GIGYF1: variants seen among roughly 807,000 people sequenced by gnomAD.
GIGYF1 encodes the protein GRB10 interacting GYF protein 1.
GIGYF1 carries 84 observed loss-of-function variants against 147.1 expected under a neutral mutation model. The ratio of observed to expected loss-of-function variants is 0.57; its 90% CI spans 0.48 to 0.68. The LOEUF is 0.68. Ranked by LOEUF, GIGYF1 falls within the 30% of genes least tolerant of loss-of-function variation. GIGYF1 has a pLI of 0.00. For missense variants in GIGYF1, 1,485 were observed against 1,393.7 expected (o/e 1.07, Z -1.04); for synonymous variants, 752 against 589.5 (o/e 1.28, Z -3.99).
rs573169994 is a variant in GIGYF1, at chr7:100,684,059, G to A, written c.1829C>T (p.Thr610Met). Reference protein sequence around the residue: ...PPPQQQQQQLTAFLQQLQALK... With the variant: ...PPPQQQQQQLMAFLQQLQALK... The stretch of plus-strand genomic sequence containing the variant: ...CGCCTGGAGCTGCTGCAGGAATGCC[G>A]TGAGCTGCTGCTGCTGCTGCTGTGG... Residue 610 changes from threonine to methionine, a missense_variant, in exon 18 of 27, where the codon ACG (threonine) becomes ATG (methionine). Coordinates refer to ENST00000678049, the MANE Select transcript of GIGYF1 (RefSeq NM_001375765.1). 7.5e-6 allele frequency: 12 copies of A among 1,604,528 alleles called. No individual in the cohort carries two copies. The highest frequency in any genetic ancestry group is 6.7e-5 in the African/African-American group (5 of 74,722).
rs1805304524 is a variant in GIGYF1, at chr7:100,686,081, T to C, written c.949-2A>G. The C allele has an allele frequency of 6.3e-7, 1 of 1,597,598 alleles. No homozygotes were observed. Among genetic ancestry groups the C allele is most frequent in the Non-Finnish European group, 8.5e-7 (1 of 1,171,060 alleles). ...AGGAATGGGCTCCTTGGGGCCCTTC[T>C]GCATGGGGCCGGGGTGGGGAGCAGA... is the stretch of plus-strand genomic sequence containing the variant. On this transcript the variant is annotated splice_acceptor_variant, in intron 11 of 26. Coordinates refer to ENST00000678049, the MANE Select transcript of GIGYF1 (RefSeq NM_001375765.1). LOFTEE classifies it high-confidence loss of function.
chr7:100,687,083 A>G, intron 8 of GIGYF1, 37 bp from the exon 9 acceptor site: 1 of 1,613,366 alleles, frequency 6.2e-7, no homozygotes, highest in Non-Finnish European at 8.5e-7. Context: ...GAAACAGTAC[A>G]GCCTCCCCTG....
Position 100,686,392 on chromosome 7 carries a change from G to A in GIGYF1, c.736C>T (p.Arg246Trp), listed in dbSNP as rs748394437. The change falls in exon 11 of 27, where the codon CGG becomes TGG. Residue 246 changes from arginine (R) to tryptophan (W), a missense_variant. By Grantham distance (101) the Arg-to-Trp change is moderately radical. Transcript: ENST00000678049. ...RSAGWREHGE[R>W]RRKFEFDLRG... Reference sequence around the variant, plus strand: ...AAATCAAATTCAAACTTGCGCCGCCGTTCCCCATGTTCCCGCCAGCCAGCA... The same window carrying A: ...AAATCAAATTCAAACTTGCGCCGCCATTCCCCATGTTCCCGCCAGCCAGCA... 6.9e-6 allele frequency: 11 copies of A among 1,603,940 alleles called. No individual in the cohort carries two copies. In the South Asian group the frequency reaches 7.8e-5, roughly 11 times the overall value.
In GIGYF1 at chr7:100,688,747, G is replaced by A; in HGVS notation, c.-290C>T. On this transcript the variant is annotated 5_prime_UTR_variant, in exon 2 of 27. Transcript: ENST00000678049. ...AAGGAGAGCAGGGGGGAGGAGGGAG[G>A]GTTCAGGACATGGCTCTGCCGGCAG... is the stretch of plus-strand genomic sequence containing the variant. 3.2e-6 allele frequency: 1 copy of A among 316,468 alleles called. No individual in the cohort carries two copies. Among genetic ancestry groups the A allele is most frequent in the Non-Finnish European group, 6.4e-6 (1 of 156,666 alleles). The allele number at this position is 316,468 out of a possible 1,614,324, so 19.6% of individuals were successfully genotyped here.
rs1311548781 is a variant in GIGYF1 at position 100,688,510 on chromosome 7, A to G, written c.-129T>C. 1.5e-6 allele frequency: 1 copy of G among 675,744 alleles called. No homozygotes were observed. Among genetic ancestry groups the G allele is most frequent in the Non-Finnish European group, 2.7e-6 (1 of 368,088 alleles). 41.9% of individuals were successfully genotyped at this position (675,744 alleles called of 1,614,324 possible). A position where few individuals can be genotyped will look rare whatever the true frequency, so the allele number is the denominator to read the frequency against. On this transcript the variant is annotated 5_prime_UTR_variant, in exon 3 of 27. Coordinates refer to ENST00000678049, the MANE Select transcript of GIGYF1 (RefSeq NM_001375765.1). Reference sequence around the variant, plus strand: ...TACCCAGAGATGAGTCCAGACGGTGAAAGACCTGGGGGAGGCGAGGAGATG... The same window carrying G: ...TACCCAGAGATGAGTCCAGACGGTGGAAGACCTGGGGGAGGCGAGGAGATG...
intron 5 of GIGYF1, 44 bp downstream of exon 5, chr7:100,687,937 A>G (rs1389881301): frequency 6.2e-7 from 1 of 1,610,964 alleles, no homozygotes; most frequent in Non-Finnish European, 8.5e-7. Context: ...TCCCCTCCAC[A>G]GGCAGAGGCC....
chr7:100,688,169 G>A (rs751824009), intron 4 of GIGYF1, 35 bp downstream of exon 4: 22 of 1,609,498 alleles, frequency 1.4e-5, no homozygotes, highest in Middle Eastern at 1.6e-4. Context: ...GTGCTTTCTC[G>A]AATCTCCACG....
chr7:100,688,411 G>T (rs921063230), intron 3 of GIGYF1, 40 bp downstream of exon 3: 1 of 712,808 alleles, frequency 1.4e-6, no homozygotes, highest in Non-Finnish European at 2.5e-6. Context: ...AATGGGCCCC[G>T]GACTAGCTGG....
In GIGYF1 at chr7:100,686,068, C is replaced by G. The variant is rs368712084; in HGVS notation, c.960G>C (p.Lys320Asn). ...GCTCCTGCTCCTCAGGAATGGGCTC[C>G]TTGGGGCCCTTCTGCATGGGGCCGG... ...GAFLPLKKGP[K>N]EPIPEEQELD... is the part of the protein sequence containing the mutation. The change falls in exon 12 of 27, where the codon AAG (lysine) becomes AAC (asparagine). Residue 320 changes from lysine to asparagine, a missense_variant. Transcript: ENST00000678049. The G allele has an allele frequency of 1.2e-5, 20 of 1,607,380 alleles. No individual in the cohort carries two copies. In the East Asian group the frequency reaches 1.3e-4, roughly 11 times the overall value.
rs1392709312 is a variant in GIGYF1, at chr7:100,680,603, G to C, written c.*1116C>G. The C allele has an allele frequency of 6.6e-6, 1 of 152,578 alleles. No individual in the cohort carries two copies. The highest frequency in any genetic ancestry group is 1.9e-4 in the East Asian group (1 of 5,184). The allele number at this position is 152,578 out of a possible 1,614,324, so 9.5% of individuals were successfully genotyped here. A position where few individuals can be genotyped will look rare whatever the true frequency, so the allele number is the denominator to read the frequency against. Reference sequence around the variant, plus strand: ...GAAGGGTCAGGTGCAGAGCTGGGTGGTCCACATCTTACGAGCTGGCTACAG... The same window carrying C: ...GAAGGGTCAGGTGCAGAGCTGGGTGCTCCACATCTTACGAGCTGGCTACAG... On this transcript the variant is annotated 3_prime_UTR_variant, in exon 27 of 27. Transcript: ENST00000678049.
chr7:100,686,419 A>T lies in GIGYF1; in HGVS notation c.709T>A (p.Ser237Thr). Reference protein sequence around the residue: ...RSASPDGGPRSAGWREHGERR... With the variant: ...RSASPDGGPRTAGWREHGERR... ...TCCCCATGTTCCCGCCAGCCAGCAG[A>T]GCGGGGACCACCATCTGCACAGGAA... The change falls in exon 11 of 27, where the codon TCT (serine) becomes ACT (threonine). Residue 237 changes from serine to threonine, a missense_variant. Physicochemically the swap from Ser to Thr is moderately conservative, Grantham distance 58 (BLOSUM62 1). Transcript: ENST00000678049. The T allele has an allele frequency of 6.3e-7, 1 of 1,599,804 alleles. No individual in the cohort carries two copies. The highest frequency in any genetic ancestry group is 8.5e-7 in the Non-Finnish European group (1 of 1,173,448).
rs1161181254 is a variant in GIGYF1 at position 100,683,303 on chromosome 7, C to T, written c.2193+1G>A. On this transcript the variant is annotated splice_donor_variant, in intron 21 of 26. Transcript: ENST00000678049. LOFTEE classifies it high-confidence loss of function. The stretch of plus-strand genomic sequence containing the variant: ...GCCAGCTGAGGCTTGGGAGCACCCA[C>T]GTGCTTGCGCCGAAACAGCTCTTCC... 1.9e-6 allele frequency: 3 copies of T among 1,613,764 alleles called. No homozygotes were observed. Among genetic ancestry groups the T allele is most frequent in the Non-Finnish European group, 2.5e-6 (3 of 1,179,960 alleles).
Position 100,681,302 on chromosome 7 carries a change from G to GT in GIGYF1, c.*416dup, listed in dbSNP as rs987196760. 16 of 141,890 alleles carry GT rather than the reference G, an allele frequency of 1.1e-4. No homozygotes were observed. Among genetic ancestry groups the GT allele is most frequent in the African/African-American group, 4.0e-4 (15 of 37,224 alleles). The allele number at this position is 141,890 out of a possible 1,614,324, so 8.8% of individuals were successfully genotyped here. A position where few individuals can be genotyped will look rare whatever the true frequency, so the allele number is the denominator to read the frequency against. ...CCCCACTGCCCCAAAATAACAGTGTGTTTTTTCTTTCAGCCTCCTAACCAT... is the reference window on the plus strand; with the variant it reads ...CCCCACTGCCCCAAAATAACAGTGTGTTTTTTTCTTTCAGCCTCCTAACCAT... On this transcript the variant is annotated 3_prime_UTR_variant, in exon 27 of 27. Coordinates refer to ENST00000678049, the MANE Select transcript of GIGYF1 (RefSeq NM_001375765.1).
chr7:100,680,860 A>C lies in GIGYF1; in HGVS notation c.*859T>G, dbSNP rs921737005. 1 of 152,696 alleles carries C rather than the reference A, an allele frequency of 6.5e-6. No individual in the cohort carries two copies. Among genetic ancestry groups the C allele is most frequent in the Non-Finnish European group, 1.5e-5 (1 of 68,090 alleles). 9.5% of individuals were successfully genotyped at this position (152,696 alleles called of 1,614,324 possible). Reference sequence around the variant, plus strand: ...AATACATTCACGTGGCAAGGCAGAGAGCTGGGGCTTTCAGGTTCAAACCCA... The same window carrying C: ...AATACATTCACGTGGCAAGGCAGAGCGCTGGGGCTTTCAGGTTCAAACCCA... On this transcript the variant is annotated 3_prime_UTR_variant, in exon 27 of 27. Coordinates refer to ENST00000678049, the MANE Select transcript of GIGYF1 (RefSeq NM_001375765.1).
chr7:100,688,090 C>T lies in GIGYF1; in HGVS notation c.56G>A (p.Gly19Asp). 2 of 1,609,872 alleles carry T rather than the reference C, an allele frequency of 1.2e-6. No homozygotes were observed. The highest frequency in any genetic ancestry group is 1.7e-6 in the Non-Finnish European group (2 of 1,177,662). Residue 19 changes from glycine to aspartate, a missense_variant, in exon 5 of 27, where the codon GGC becomes GAC. Gly to Asp is a moderately conservative substitution (Grantham distance 94). Transcript: ENST00000678049. ...GPEWLRALSG[G>D]GSVASPPPSP... is the part of the protein sequence containing the mutation. ...CGGGGGTGGGGAGGCCACGCTGCCG[C>T]CCCCGGACAGGGCCCTGAGCCTGGA...
Position 100,681,378 on chromosome 7 carries a change from A to G in GIGYF1, c.*341T>C, listed in dbSNP as rs1296119838. On this transcript the variant is annotated 3_prime_UTR_variant, in exon 27 of 27. Coordinates refer to ENST00000678049, the MANE Select transcript of GIGYF1 (RefSeq NM_001375765.1). Reference sequence around the variant, plus strand: ...TTCTTAAAAAAAAAAAAAAAACCAAAAAACAAAAACCTCTGTGGACCTTCC... The same window carrying G: ...TTCTTAAAAAAAAAAAAAAAACCAAGAAACAAAAACCTCTGTGGACCTTCC... The G allele has an allele frequency of 6.5e-5, 14 of 213,780 alleles. No homozygotes were observed. The highest frequency in any genetic ancestry group is 4.6e-5 in the Non-Finnish European group (5 of 109,444). The allele number at this position is 213,780 out of a possible 1,614,324, so 13.2% of individuals were successfully genotyped here. A position where few individuals can be genotyped will look rare whatever the true frequency, so the allele number is the denominator to read the frequency against.
At chr7:100,691,950 G>T (rs1338977829) in intron 1 of GIGYF1, among the ~76,000 whole-genome samples, 1 of 152,276 alleles carries the variant, frequency 6.6e-6, no homozygotes, top group Non-Finnish European at 1.5e-5. Context: ...AAAAGACAGA[G>T]AACAGGCGGT....
rs1804896533 is a variant in GIGYF1, at chr7:100,682,649, G to A, written c.2541C>T (p.Ser847=). The stretch of plus-strand genomic sequence containing the variant: ...CGAGGCCACGGACCAGGCTCCCGCC[G>A]CTCTTGGGGGTGTCCTCCCAGAGCC... ...GLGLWEDTPK[S]GGSLVRGLGL... The change falls in exon 23 of 27, where the codon AGC becomes AGT. Residue 847 remains serine (S), a synonymous_variant. Transcript: ENST00000678049. 1.2e-6 allele frequency: 2 copies of A among 1,604,212 alleles called. No homozygotes were observed. Among genetic ancestry groups the A allele is most frequent in the African/African-American group, 1.3e-5 (1 of 74,956 alleles).
In GIGYF1 at chr7:100,684,083, G is replaced by A. The variant is rs1430772064; in HGVS notation, c.1805C>T (p.Pro602Leu). Residue 602 changes from proline (P) to leucine (L), a missense_variant, in exon 18 of 27, where the codon CCA (proline) becomes CTA (leucine). By Grantham distance (98) the Pro-to-Leu change is moderately conservative. Transcript: ENST00000678049. Reference sequence around the variant, plus strand: ...CGTGAGCTGCTGCTGCTGCTGCTGTGGCGGCGGCGGTGGTGGCGGTGTCAG... The same window carrying A: ...CGTGAGCTGCTGCTGCTGCTGCTGTAGCGGCGGCGGTGGTGGCGGTGTCAG... ...GDLTPPPPPP[P>L]QQQQQQLTAF... The A allele has an allele frequency of 6.2e-7, 1 of 1,606,672 alleles. No homozygotes were observed.
Sources: allele counts gnomAD v4.1 joint callset (sites outside exome capture counted in the v4.1 genomes callset), GRCh38; gene constraint gnomAD v4.1.1; transcripts MANE v1.5; gene names NCBI Gene and HGNC (gene_info 2026-07-23, HGNC 2026-07-21).